The following CPNE2 variants were observed in gnomAD, a reference collection of about 807,000 sequenced individuals.
The protein encoded by CPNE2 is copine-2.
A neutral mutation model predicts 69.7 loss-of-function variants in CPNE2; 42 were observed. That is an observed-to-expected ratio of 0.60 (90% CI 0.47 to 0.78). The LOEUF (loss-of-function observed/expected upper bound fraction) is 0.78, where lower values mean the gene tolerates loss of function less well. Ranked by LOEUF, CPNE2 falls within the 30% of genes least tolerant of loss-of-function variation. CPNE2 has a pLI of 0.00. For synonymous variants in CPNE2, 294 were observed against 289.8 expected, an observed-to-expected ratio of 1.01 and a Z score of -0.15; for missense variants, 587 against 732.0, an observed-to-expected ratio of 0.80 and a Z score of 2.29.
chr16:57,117,589 C>A, intron 5 of CPNE2, 22 bp downstream of exon 5: 1 of 1,611,452 alleles, frequency 6.2e-7, no homozygotes, highest in Non-Finnish European at 8.5e-7. Flanking sequence ...AGAGGAAGGG[C>A]TCCCATTGGG....
chr16:57,117,704 G>T, intron 5 of CPNE2, 137 bp downstream of exon 5: 1 of 918,428 alleles, frequency 1.1e-6, no homozygotes. Context: ...GGCCCTCCTG[G>T]CCACTCCAGA....
intron 1 of CPNE2, among the ~76,000 whole-genome samples, chr16:57,103,023 A>T (rs2069625169): frequency 6.6e-6 from 1 of 152,080 alleles, no homozygotes; most frequent in Non-Finnish European, 1.5e-5. Context: ...TTCAGACCTC[A>T]CATAATGGGT....
chr16:57,133,188 A>G (rs2069850869), intron 12 of CPNE2, among the ~76,000 whole-genome samples: 3 of 152,160 alleles, frequency 2.0e-5, no homozygotes, highest in Admixed American at 6.5e-5. Flanking sequence ...CCAAACCTGG[A>G]GCCCAGACTG....
chr16:57,105,382 C>T (rs2069641749), intron 1 of CPNE2, among the ~76,000 whole-genome samples: 1 of 152,082 alleles, frequency 6.6e-6, no homozygotes, highest in South Asian at 2.1e-4. Context: ...CAAGATGCCT[C>T]CTCGCTGGGG....
chr16:57,098,799 G>A (rs1033282473), intron 1 of CPNE2, among the ~76,000 whole-genome samples: 1 of 152,112 alleles, frequency 6.6e-6, no homozygotes, highest in Non-Finnish European at 1.5e-5. Context: ...ATGGAAACAG[G>A]GTTTGGTTCC....
At chr16:57,112,442 C>A (rs2069687604) in intron 2 of CPNE2, among the ~76,000 whole-genome samples, 1 of 152,148 alleles carries the variant, frequency 6.6e-6, no homozygotes, top group South Asian at 2.1e-4. Flanking sequence ...CCTCTGCCCC[C>A]ACCCAGGCCA....
At chr16:57,117,651 G>A (rs1043149557) in intron 5 of CPNE2, 84 bp downstream of exon 5, 45 of 1,461,492 alleles carry the variant, frequency 3.1e-5, no homozygotes, top group African/African-American at 1.3e-4. Flanking sequence ...CCGGGACCTC[G>A]GGCCACCACC....
chr16:57,129,345 G>A (rs1417242155), intron 12 of CPNE2, among the ~76,000 whole-genome samples: 1 of 152,074 alleles, frequency 6.6e-6, no homozygotes, highest in Non-Finnish European at 1.5e-5. Flanking sequence ...AAGGGGCGAA[G>A]GCAAGGAAAC....
At chr16:57,139,794 C>T (rs1324960337) in intron 14 of CPNE2, among the ~76,000 whole-genome samples, 9 of 152,212 alleles carry the variant, frequency 5.9e-5, no homozygotes, top group South Asian at 2.1e-4. Context: ...CCTGGAGTGG[C>T]GGGTGCCAGG....
intron 1 of CPNE2, among the ~76,000 whole-genome samples, chr16:57,104,749 C>T (rs2069637871): frequency 6.6e-6 from 1 of 152,212 alleles, no homozygotes; most frequent in Admixed American, 6.5e-5. Context: ...AGACAGATTA[C>T]ATCAGCCTGG....
chr16:57,139,576 C>T (rs1472517097), intron 14 of CPNE2, among the ~76,000 whole-genome samples: 1 of 152,190 alleles, frequency 6.6e-6, no homozygotes, highest in Non-Finnish European at 1.5e-5. Flanking sequence ...TGAATCCCTT[C>T]CCAAAGTTAG....
chr16:57,111,710 T>A (rs890526296), intron 2 of CPNE2, among the ~76,000 whole-genome samples: 15 of 152,136 alleles, frequency 9.9e-5, no homozygotes, highest in African/African-American at 2.7e-4. Flanking sequence ...TATTATATAT[T>A]TTTTTTCTGC....
chr16:57,097,999 T>C (rs1158470046), intron 1 of CPNE2, among the ~76,000 whole-genome samples: 1 of 146,900 alleles, frequency 6.8e-6, no homozygotes, highest in African/African-American at 2.5e-5. Flanking sequence ...GGAAGTACAG[T>C]GGAGGCTGCC....
chr16:57,138,488 G>C (rs373235903), intron 14 of CPNE2, among the ~76,000 whole-genome samples: 2 of 152,150 alleles, frequency 1.3e-5, no homozygotes, highest in African/African-American at 2.4e-5. Context: ...CTTCCTTACC[G>C]ACCCGATCAC....
At chr16:57,109,149 G>A (rs370651994) in intron 1 of CPNE2, among the ~76,000 whole-genome samples, 5 of 152,142 alleles carry the variant, frequency 3.3e-5, no homozygotes, top group Admixed American at 6.5e-5. Context: ...AATTCAGGAC[G>A]AGTCCATAAA....
rs751655496 is a variant in CPNE2, at chr16:57,113,309, A to G, written c.202A>G (p.Ile68Val). The G allele has an allele frequency of 5.5e-5, 89 of 1,613,950 alleles. No individual in the cohort carries two copies. The highest frequency in any genetic ancestry group is 6.8e-5 in the Non-Finnish European group (80 of 1,179,964). ...CTAGTACGACAGGACAGAAACCGCG[A>G]TCAACAACCTCAACCCCGCCTTCTC... ...WIEYDRTETA[I>V]NNLNPAFSKK... Residue 68 changes from isoleucine (I) to valine (V), a missense_variant, in exon 3 of 16, where the codon ATC (isoleucine) becomes GTC (valine). By Grantham distance (29) the Ile-to-Val change is conservative (BLOSUM62 3). This residue lies in a region of CPNE2 where 96 missense variants were observed against 94.9 expected (regional missense o/e 1.01). Transcript: ENST00000290776.
intron 1 of CPNE2, among the ~76,000 whole-genome samples, chr16:57,099,963 T>TG (rs2069603229): frequency 6.6e-6 from 1 of 151,982 alleles, no homozygotes; most frequent in Admixed American, 6.6e-5. Flanking sequence ...TTAGTAGAGA[T>TG]GGGGTTTCAC....
rs1373365336 is a variant in CPNE2 at position 57,130,439 on chromosome 16, G to C, written c.1116+2536G>C. Reference sequence around the variant, plus strand: ...GAGCCAGGCAGATGAAGCGGAGACTGAGCCCGGGGGCAGAGCAGGGAGGAA... The same window carrying C: ...GAGCCAGGCAGATGAAGCGGAGACTCAGCCCGGGGGCAGAGCAGGGAGGAA... On this transcript the variant is annotated intron_variant, in intron 12 of 15. Coordinates refer to ENST00000290776, the MANE Select transcript of CPNE2 (RefSeq NM_152727.6). The surrounding 1 kb of genome is among the most constrained non-coding windows in gnomAD (Gnocchi z 4.1). Among the ~76,000 whole-genome samples, 1 of 152,078 alleles carries C rather than the reference G, an allele frequency of 6.6e-6. No homozygotes were observed. The highest frequency in any genetic ancestry group is 1.5e-5 in the Non-Finnish European group (1 of 68,028).
intron 14 of CPNE2, chr16:57,141,923 GA>G (rs1433660842): frequency 2.0e-5 from 3 of 152,234 alleles, no homozygotes; most frequent in African/African-American, 4.8e-5. Flanking sequence ...ATTATCCCCT[GA>G]TGCTTTTGTC....
Sources: gnomAD v4.1 joint callset for allele counts (sites outside exome capture counted in the v4.1 genomes callset) on GRCh38, gnomAD v4.1.1 for gene constraint, gnomAD v4.1.1 regional missense constraint, Gnocchi (gnomAD v3.1) non-coding constraint, MANE v1.5 for transcripts, NCBI Gene and HGNC (gene_info 2026-07-23, HGNC 2026-07-21) for gene names.